DOCK5: variants seen among roughly 807,000 people sequenced by gnomAD.
DOCK5 encodes dedicator of cytokinesis 5.
DOCK5 carries 142 observed loss-of-function variants against 251.8 expected under a neutral mutation model. That is an observed-to-expected ratio of 0.56 (90% CI 0.49 to 0.65). The LOEUF (loss-of-function observed/expected upper bound fraction) is 0.65. Ranked by LOEUF, DOCK5 falls within the 30% of genes least tolerant of loss-of-function variation. The pLI, the probability that DOCK5 is intolerant of heterozygous loss-of-function variation, is 0.00. For synonymous variants in DOCK5, 842 were observed against 835.5 expected (o/e 1.01, Z -0.13); for missense variants, 2,111 against 2,312.3 (o/e 0.91, Z 1.79).
rs151141459 is a variant in DOCK5, at chr8:25,293,979, G to T, written c.470+1807G>T. On this transcript the variant is annotated intron_variant, in intron 6 of 51. Coordinates refer to ENST00000276440, the MANE Select transcript of DOCK5 (RefSeq NM_024940.8). ...AGATCATGCCACTGCACTCCAGCCT[G>T]GGTGATAGAGTGAGAATCCCTCTCA... 6.5e-3 allele frequency among the ~76,000 whole-genome samples: 985 copies of T among 152,250 alleles called. 16 individuals are homozygous for T. The highest frequency in any genetic ancestry group is 0.022 in the African/African-American group (931 of 41,542).
intron 8 of DOCK5, among the ~76,000 whole-genome samples, chr8:25,300,238 A>G (rs1804727677): frequency 6.6e-6 from 1 of 152,222 alleles, no homozygotes. Context: ...CAAAGCTGAA[A>G]CTTTTATTCA....
At chr8:25,316,369 T>C (rs1805251215) in intron 13 of DOCK5, among the ~76,000 whole-genome samples, 1 of 151,968 alleles carries the variant, frequency 6.6e-6, no homozygotes, top group Admixed American at 6.6e-5. Flanking sequence ...TAATTCCAGC[T>C]ACTTGGGAGG....
intron 2 of DOCK5, among the ~76,000 whole-genome samples, chr8:25,253,917 C>T (rs751164793): frequency 6.6e-6 from 1 of 152,162 alleles, no homozygotes; most frequent in Non-Finnish European, 1.5e-5. Flanking sequence ...TGTGGAGAGG[C>T]AGAGGACTCA....
chr8:25,398,048 G>A (rs1160338085), intron 45 of DOCK5, among the ~76,000 whole-genome samples: 9 of 152,266 alleles, frequency 5.9e-5, no homozygotes, highest in African/African-American at 2.2e-4. Flanking sequence ...TTCTAATCCA[G>A]CTCTTTATTC....
intron 21 of DOCK5, among the ~76,000 whole-genome samples, chr8:25,335,463 C>T (rs1805782458): frequency 6.6e-6 from 1 of 151,816 alleles, no homozygotes; most frequent in Non-Finnish European, 1.5e-5. Context: ...GCACTCCATC[C>T]TGGGTGACAG....
intron 18 of DOCK5, among the ~76,000 whole-genome samples, chr8:25,328,389 G>A (rs1805610768): frequency 6.6e-6 from 1 of 152,080 alleles, no homozygotes; most frequent in South Asian, 2.1e-4. Context: ...ACTTGGCAAA[G>A]GCATCACGAG....
intron 1 of DOCK5, among the ~76,000 whole-genome samples, chr8:25,226,236 T>C (rs917838137): frequency 1.3e-5 from 2 of 150,862 alleles, no homozygotes; most frequent in African/African-American, 4.9e-5. Context: ...TGCTTATATG[T>C]GCCAAATGTG....
At chr8:25,330,276 C>T (rs1050257199) in intron 18 of DOCK5, among the ~76,000 whole-genome samples, 9 of 152,104 alleles carry the variant, frequency 5.9e-5, no homozygotes, top group South Asian at 2.1e-4. Flanking sequence ...GTTCCCTTTC[C>T]GTTCATTCAT....
intron 28 of DOCK5, among the ~76,000 whole-genome samples, chr8:25,360,871 G>GA (rs35037863): frequency 4.6e-5 from 7 of 151,976 alleles, no homozygotes; most frequent in Non-Finnish European, 1.0e-4. Flanking sequence ...TGTTAAGTAA[G>GA]AAAAAAAGGG....
At chr8:25,345,340 A>T in intron 25 of DOCK5, 135 bp from the exon 26 acceptor site, 1 of 1,198,762 alleles carries the variant, frequency 8.3e-7, no homozygotes, top group Non-Finnish European at 1.1e-6. Context: ...GGTGGCCTGG[A>T]GGGGCTGCAT....
intron 34 of DOCK5, among the ~76,000 whole-genome samples, chr8:25,371,976 G>A (rs144491086): frequency 7.3e-4 from 111 of 152,326 alleles, no homozygotes; most frequent in African/African-American, 2.6e-3. Context: ...TGAAAGTTTA[G>A]CCTCAGTTTG....
At position 25,371,747 on chromosome 8, in the gene DOCK5, A is replaced by G. The variant is rs539929905; in HGVS notation, c.3525-812A>G. 5.9e-5 allele frequency among the ~76,000 whole-genome samples: 9 copies of G among 152,322 alleles called. No individual in the cohort carries two copies. The East Asian group carries it at 1.5e-3, about 26-fold the overall frequency. ...TCCTACAGCTGATTTGTTTTACATAAGGATCTTACTTTGTTTTCTTCATTC... is the reference window on the plus strand; with the variant it reads ...TCCTACAGCTGATTTGTTTTACATAGGGATCTTACTTTGTTTTCTTCATTC... On this transcript the variant is annotated intron_variant, in intron 34 of 51. Coordinates refer to ENST00000276440, the MANE Select transcript of DOCK5 (RefSeq NM_024940.8).
intron 2 of DOCK5, among the ~76,000 whole-genome samples, chr8:25,265,441 G>A (rs1283516281): frequency 1.3e-5 from 2 of 151,856 alleles, no homozygotes; most frequent in Non-Finnish European, 2.9e-5. Context: ...TTTCTGTCTG[G>A]AAGTTTCTTT....
intron 2 of DOCK5, among the ~76,000 whole-genome samples, chr8:25,265,049 A>C (rs56874399): frequency 0.033 from 5,040 of 151,516 alleles, 350 homozygotes; most frequent in African/African-American, 0.11. Flanking sequence ...CACCATCTCC[A>C]TGGCATATAA....
intron 5 of DOCK5, among the ~76,000 whole-genome samples, chr8:25,286,580 G>A (rs1206021850): frequency 6.6e-6 from 1 of 152,140 alleles, no homozygotes; most frequent in East Asian, 1.9e-4. Flanking sequence ...TGAACAGAGT[G>A]AATATTGATT....
rs1269070963 is a variant in DOCK5 at position 25,403,709 on chromosome 8, GACC to G, written c.5079_5081del (p.Pro1694del). 4 of 1,613,774 alleles carry G rather than the reference GACC, an allele frequency of 2.5e-6. No homozygotes were observed. The African/African-American group carries it at 5.3e-5, about 22-fold the overall frequency. On this transcript the variant is annotated inframe_deletion, in exon 48 of 52. Transcript: ENST00000276440. ...AACTCGTCTGACAATGCTCCTTCCA[GACC>G]GGGATCTGATGGGTAAGGGTTTCAT...
At position 25,404,801 on chromosome 8, in the gene DOCK5, G is replaced by T. The variant is rs1006995728; in HGVS notation, c.5093+1077G>T. 2.0e-5 allele frequency among the ~76,000 whole-genome samples: 3 copies of T among 151,992 alleles called. No individual in the cohort carries two copies. In the South Asian group the frequency reaches 6.2e-4, roughly 32 times the overall value. Reference sequence around the variant, plus strand: ...CAATTTTGAAAATTATTCCTAAACCGACTTCCATAAAGATTATACCAGTTT... The same window carrying T: ...CAATTTTGAAAATTATTCCTAAACCTACTTCCATAAAGATTATACCAGTTT... On this transcript the variant is annotated intron_variant, in intron 48 of 51. Coordinates refer to ENST00000276440, the MANE Select transcript of DOCK5 (RefSeq NM_024940.8).
chr8:25,328,931 G>A (rs2117212386), intron 18 of DOCK5, among the ~76,000 whole-genome samples: 1 of 152,198 alleles, frequency 6.6e-6, no homozygotes, highest in South Asian at 2.1e-4. Context: ...GTTTTAAAGT[G>A]GCAAAAAATC....
At position 25,336,330 on chromosome 8, in the gene DOCK5, TACTTGTTTAG is replaced by T; in HGVS notation, c.2286_2295del (p.Leu763SerfsTer10). On this transcript the variant is annotated frameshift_variant, in exon 22 of 52. Transcript: ENST00000276440. LOFTEE classifies it high-confidence loss of function. ...TTTTGCTGCGTTGAAAGCCTTGAAG[TACTTGTTTAG>T]ATTCATCATCCAATCCCGAGTGCTC... 6.2e-7 allele frequency: 1 copy of T among 1,613,934 alleles called. No individual in the cohort carries two copies. Among genetic ancestry groups the T allele is most frequent in the Non-Finnish European group, 8.5e-7 (1 of 1,179,844 alleles).
Sources: allele counts gnomAD v4.1 joint callset (sites outside exome capture counted in the v4.1 genomes callset), GRCh38; gene constraint gnomAD v4.1.1; transcripts MANE v1.5; gene names NCBI Gene and HGNC (gene_info 2026-07-23, HGNC 2026-07-21).